Variants in SEMA4D observed in about 807,000 individuals in gnomAD.
The protein encoded by SEMA4D is semaphorin 4D, also known as semaphorin-4D.
A neutral mutation model predicts 74.8 loss-of-function variants in SEMA4D; 22 were observed. The ratio of observed to expected loss-of-function variants is 0.29; its 90% CI spans 0.21 to 0.42. The LOEUF (loss-of-function observed/expected upper bound fraction) is 0.42, where lower values mean the gene tolerates loss of function less well. SEMA4D is among the 10% of genes least tolerant of loss of function. The pLI, the probability that SEMA4D is intolerant of heterozygous loss-of-function variation, is 1.00. For missense variants in SEMA4D, 937 were observed against 1,118.4 expected (o/e 0.84, Z 2.31); for synonymous variants, 445 against 463.7 (o/e 0.96, Z 0.52).
chr9:89,393,806 A>C (rs1280788037), intron 6 of SEMA4D, 151 bp from the exon 7 acceptor site: 19 of 643,186 alleles, frequency 3.0e-5, no homozygotes, highest in Non-Finnish European at 5.3e-5. Context: ...AGTCCCGCCC[A>C]CTAGGGCCAG....
chr9:89,365,660 G>A (rs1457720283), intron 16 of SEMA4D: 1 of 152,258 alleles, frequency 6.6e-6, no homozygotes, highest in Admixed American at 6.5e-5. Flanking sequence ...ACAAATTCCA[G>A]AGCCAAAAGA....
intron 1 of SEMA4D, among the ~76,000 whole-genome samples, chr9:89,469,428 G>A (rs1468180472): frequency 1.3e-5 from 2 of 152,134 alleles, no homozygotes; most frequent in African/African-American, 2.4e-5. Flanking sequence ...CAACTTAAAT[G>A]AGGCTAGCAC....
chr9:89,429,003 G>C (rs551793176), intron 2 of SEMA4D, among the ~76,000 whole-genome samples: 1 of 152,196 alleles, frequency 6.6e-6, no homozygotes, highest in Non-Finnish European at 1.5e-5. Flanking sequence ...GTCCCTGTGG[G>C]GGGGGTCTCC....
intron 2 of SEMA4D, among the ~76,000 whole-genome samples, chr9:89,420,487 T>G (rs552487251): frequency 6.6e-6 from 1 of 152,302 alleles, no homozygotes; most frequent in East Asian, 1.9e-4. Context: ...GGCCTTCACA[T>G]CCTCTCCTGG....
intron 6 of SEMA4D, among the ~76,000 whole-genome samples, chr9:89,394,828 C>T (rs558447199): frequency 6.6e-6 from 1 of 152,234 alleles, no homozygotes; most frequent in Admixed American, 6.5e-5. Context: ...TTGGGGAAAT[C>T]TGAACGGGGA....
chr9:89,400,915 T>C (rs1015467487), intron 4 of SEMA4D, among the ~76,000 whole-genome samples: 4 of 152,070 alleles, frequency 2.6e-5, no homozygotes, highest in Non-Finnish European at 4.4e-5. Context: ...CTGTCCACAA[T>C]TCCCCCAAGA....
intron 2 of SEMA4D, among the ~76,000 whole-genome samples, chr9:89,414,972 T>TGAA (rs1204963979): frequency 1.3e-5 from 2 of 151,486 alleles, no homozygotes; most frequent in African/African-American, 4.8e-5. Context: ...GCGGTGGGAG[T>TGAA]GAAGAACACA....
rs1255002372 is a variant in SEMA4D at position 89,484,964 on chromosome 9, G to A, written c.-310+12955C>T. ...TTGGTGTGTGTGTACTGGGTGGGTG[G>A]TGGAGGCATATGTGTGTAGTATGTT... On this transcript the variant is annotated intron_variant, in intron 1 of 15. Coordinates refer to ENST00000422704, the MANE Select transcript of SEMA4D (RefSeq NM_001371194.2). The surrounding 1 kb of genome is among the most constrained non-coding windows in gnomAD (Gnocchi z 4.1). 6.7e-6 allele frequency among the ~76,000 whole-genome samples: 1 copy of A among 149,200 alleles called. No homozygotes were observed.
chr9:89,385,641 G>A, intron 13 of SEMA4D: 1 of 865,362 alleles, frequency 1.2e-6, no homozygotes, highest in Non-Finnish European at 1.4e-6. Flanking sequence ...CCCAAGCTTT[G>A]TGGATACAGG....
intron 2 of SEMA4D, among the ~76,000 whole-genome samples, chr9:89,413,241 G>A (rs991151425): frequency 3.3e-5 from 5 of 152,144 alleles, no homozygotes; most frequent in African/African-American, 9.7e-5. Context: ...GAGGGTGCAC[G>A]AGCCCACTTT....
intron 1 of SEMA4D, chr9:89,472,421 G>A (rs961177647): frequency 6.4e-6 from 2 of 311,552 alleles, no homozygotes; most frequent in African/African-American, 2.2e-5. Context: ...ATTTATGAAA[G>A]CCAAATATAC....
At chr9:89,487,731 A>G (rs1825301680) in intron 1 of SEMA4D, among the ~76,000 whole-genome samples, 1 of 152,202 alleles carries the variant, frequency 6.6e-6, no homozygotes, top group Admixed American at 6.5e-5. Flanking sequence ...GCAATTAACA[A>G]CTGGAAAATA....
At chr9:89,376,939 C>A, downstream of SEMA4D, 7 of 1,550,776 alleles carry the variant, frequency 4.5e-6, no homozygotes, top group Non-Finnish European at 6.1e-6. Flanking sequence ...TGTCGGGCCC[C>A]GCACCCGAGG....
intron 1 of SEMA4D, chr9:89,472,589 C>A: frequency 4.6e-6 from 1 of 218,484 alleles, no homozygotes; most frequent in Non-Finnish European, 9.3e-6. Flanking sequence ...ATATAGCATT[C>A]AAAGATGTCC....
chr9:89,443,246 G>A (rs1852071376), intron 2 of SEMA4D, among the ~76,000 whole-genome samples: 1 of 152,176 alleles, frequency 6.6e-6, no homozygotes, highest in Admixed American at 6.5e-5. Context: ...GTCGCGAGGT[G>A]CTCTGGAGAA....
intron 1 of SEMA4D, among the ~76,000 whole-genome samples, chr9:89,491,243 A>T (rs1429191214): frequency 5.9e-5 from 9 of 152,186 alleles, no homozygotes; most frequent in Non-Finnish European, 1.2e-4. Flanking sequence ...GTCTTAGGGC[A>T]GCAGTTCAAA....
intron 2 of SEMA4D, chr9:89,450,385 T>C (rs777608978): frequency 6.3e-6 from 7 of 1,108,740 alleles, no homozygotes; most frequent in South Asian, 1.2e-5. Flanking sequence ...TTTGATGCCA[T>C]GCCATTTACT....
rs777649819 is a variant in SEMA4D at position 89,379,629 on chromosome 9, T to A, written c.1664A>T (p.Asp555Val). Residue 555 changes from aspartate (D) to valine (V), a missense_variant and splice_region_variant, in exon 16 of 16, where the codon GAT becomes GTT. Coordinates refer to ENST00000422704, the MANE Select transcript of SEMA4D (RefSeq NM_001371194.2). ...EMSGDASVCP[D>V]KSKGSYRQHF... is the part of the protein sequence containing the mutation. The stretch of plus-strand genomic sequence containing the variant: ...CTGCCGGTAACTTCCTTTACTTTTA[T>A]CTGGAACATCAAAATAAACGTGCAC... The A allele has an allele frequency of 6.2e-7, 1 of 1,602,716 alleles. No individual in the cohort carries two copies. Among genetic ancestry groups the A allele is most frequent in the Non-Finnish European group, 8.5e-7 (1 of 1,172,824 alleles).
intron 5 of SEMA4D, among the ~76,000 whole-genome samples, chr9:89,398,082 A>G (rs886458563): frequency 2.0e-5 from 3 of 152,164 alleles, no homozygotes; most frequent in Non-Finnish European, 4.4e-5. Context: ...CCCACATGTG[A>G]GCCAAAAAGC....
Sources: allele counts gnomAD v4.1 joint callset (sites outside exome capture counted in the v4.1 genomes callset), GRCh38; gene constraint gnomAD v4.1.1; non-coding constraint Gnocchi (gnomAD v3.1); transcripts MANE v1.5; gene names NCBI Gene and HGNC (gene_info 2026-07-23, HGNC 2026-07-21).